HFM1: variants seen among roughly 807,000 people sequenced by gnomAD.
HFM1 encodes the protein helicase for meiosis 1, also known as probable ATP-dependent DNA helicase HFM1.
A neutral mutation model predicts 192.1 loss-of-function variants in HFM1; 169 were observed. That is an observed-to-expected ratio of 0.88 (90% CI 0.78 to 1.00). HFM1 has a LOEUF of 1.00. Among genes scored for constraint, HFM1 ranks in the 50% least tolerant of loss-of-function variants. The pLI is 0.00. For synonymous variants in HFM1, 525 were observed against 537.8 expected (o/e 0.98, Z 0.33); for missense variants, 1,661 against 1,668.0 (o/e 1.00, Z 0.07).
At chr1:91,283,363 C>A (rs933442071) in intron 30 of HFM1, among the ~76,000 whole-genome samples, 1 of 152,146 alleles carries the variant, frequency 6.6e-6, no homozygotes, top group African/African-American at 2.4e-5. Context: ...CCCAACTCAG[C>A]CCCCTCAGTA....
Position 91,380,983 on chromosome 1 carries a change from C to G in HFM1, c.803-1G>C. 7.2e-7 allele frequency: 1 copy of G among 1,380,068 alleles called. No individual in the cohort carries two copies. The highest frequency in any genetic ancestry group is 1.0e-6 in the Non-Finnish European group (1 of 970,612). 85.5% of individuals were successfully genotyped at this position (1,380,068 alleles called of 1,614,324 possible). A position where few individuals can be genotyped will look rare whatever the true frequency, so the allele number is the denominator to read the frequency against. ...TTGAAAATACTTCTAAATTTTGCCG[C>G]TTACAATAACATTAAGGAGTCAAAT... On this transcript the variant is annotated splice_acceptor_variant, in intron 6 of 38. Transcript: ENST00000370425. LOFTEE classifies it high-confidence loss of function.
chr1:91,274,985 A>ATTTTT (rs369981082), intron 32 of HFM1, among the ~76,000 whole-genome samples, 176 bp from the exon 33 acceptor site: 5 of 132,976 alleles, frequency 3.8e-5, no homozygotes, highest in African/African-American at 1.4e-4. Context: ...AAATGTTGGC[A>ATTTTT]TTTTTTTTTT....
At chr1:91,390,643 A>G (rs1265525233) in intron 4 of HFM1, among the ~76,000 whole-genome samples, 3 of 152,178 alleles carry the variant, frequency 2.0e-5, no homozygotes, top group Non-Finnish European at 2.9e-5. Flanking sequence ...CCCACAGCCA[A>G]TATCATACTG....
At chr1:91,287,012 G>A (rs1184411803) in intron 30 of HFM1, among the ~76,000 whole-genome samples, 3 of 152,188 alleles carry the variant, frequency 2.0e-5, no homozygotes, top group East Asian at 1.9e-4. Context: ...AGGGTCCTAC[G>A]CCCACGGAGT....
At chr1:91,407,543 A>G (rs1231944994), upstream of HFM1, among the ~76,000 whole-genome samples, 3 of 152,124 alleles carry the variant, frequency 2.0e-5, no homozygotes, top group African/African-American at 4.8e-5. Context: ...AATGTTTTCA[A>G]TGTTCATCCA....
chr1:91,292,540 A>T (rs1391267984), intron 30 of HFM1, among the ~76,000 whole-genome samples: 2 of 151,896 alleles, frequency 1.3e-5, no homozygotes, highest in African/African-American at 2.4e-5. Flanking sequence ...CCACTGCTCA[A>T]GAAAATAAAA....
intron 36 of HFM1, among the ~76,000 whole-genome samples, chr1:91,265,290 T>A (rs1665648689): frequency 6.6e-6 from 1 of 152,184 alleles, no homozygotes; most frequent in Non-Finnish European, 1.5e-5. Flanking sequence ...ACAGAGTATA[T>A]CACATTTTTT....
intron 30 of HFM1, among the ~76,000 whole-genome samples, chr1:91,291,423 C>G (rs941319892): frequency 3.3e-5 from 5 of 152,184 alleles, no homozygotes; most frequent in African/African-American, 1.2e-4. Flanking sequence ...ACTACAAACA[C>G]CTCTACGCAA....
At chr1:91,338,035 G>C (rs1156293158) in intron 20 of HFM1, among the ~76,000 whole-genome samples, 5 of 152,160 alleles carry the variant, frequency 3.3e-5, no homozygotes, top group Non-Finnish European at 2.9e-5. Flanking sequence ...CACTGCAGTG[G>C]GCTTCAAAGC....
At chr1:91,364,557 T>C in intron 13 of HFM1, among the ~76,000 whole-genome samples, 1 of 147,396 alleles carries the variant, frequency 6.8e-6, no homozygotes, top group Admixed American at 6.8e-5. Flanking sequence ...GATGAACTAA[T>C]GCATAAGAAA....
intron 4 of HFM1, among the ~76,000 whole-genome samples, chr1:91,387,682 C>T (rs1307971862): frequency 2.7e-5 from 4 of 147,272 alleles, no homozygotes; most frequent in Non-Finnish European, 4.5e-5. Context: ...AACCAAACAC[C>T]GCATATTCTC....
chr1:91,271,513 TTA>T (rs1188320629), intron 34 of HFM1, among the ~76,000 whole-genome samples: 1 of 151,998 alleles, frequency 6.6e-6, no homozygotes, highest in Non-Finnish European at 1.5e-5. Flanking sequence ...TTCAGCATAT[TTA>T]TATGCTAAAG....
At chr1:91,307,911 T>C (rs1171308961) in intron 30 of HFM1, among the ~76,000 whole-genome samples, 1 of 152,218 alleles carries the variant, frequency 6.6e-6, no homozygotes. Context: ...GAAACCTAGG[T>C]TGGTAGCATT....
intron 30 of HFM1, among the ~76,000 whole-genome samples, chr1:91,302,853 C>T (rs1321605373): frequency 6.6e-6 from 1 of 151,912 alleles, no homozygotes; most frequent in Non-Finnish European, 1.5e-5. Flanking sequence ...TTAATGGGTG[C>T]AGCACACCAA....
chr1:91,389,475 T>C (rs1310027946), intron 4 of HFM1, among the ~76,000 whole-genome samples: 1 of 151,932 alleles, frequency 6.6e-6, no homozygotes, highest in African/African-American at 2.4e-5. Flanking sequence ...TTAGATGAGG[T>C]CATGAGGGTA....
At chr1:91,391,987 C>T (rs1242453378) in intron 4 of HFM1, among the ~76,000 whole-genome samples, 1 of 152,124 alleles carries the variant, frequency 6.6e-6, no homozygotes, top group Non-Finnish European at 1.5e-5. Flanking sequence ...CCAACAGACA[C>T]ATGAAAAAAT....
intron 13 of HFM1, among the ~76,000 whole-genome samples, chr1:91,364,099 G>A (rs1206107604): frequency 1.3e-5 from 2 of 151,836 alleles, no homozygotes; most frequent in Non-Finnish European, 2.9e-5. Context: ...TAGGTTATGC[G>A]ATGATTTGTA....
chr1:91,317,984 C>T (rs1428042366), intron 25 of HFM1, among the ~76,000 whole-genome samples: 1 of 151,940 alleles, frequency 6.6e-6, no homozygotes, highest in Non-Finnish European at 1.5e-5. Flanking sequence ...GCAATGGATG[C>T]CCATATTGAC....
intron 21 of HFM1, 31 bp downstream of exon 21, chr1:91,324,644 T>C: frequency 2.1e-6 from 2 of 944,334 alleles, no homozygotes; most frequent in Middle Eastern, 2.2e-4. Flanking sequence ...TATACCACTA[T>C]GTATTTTTTT....
Sources: allele counts gnomAD v4.1 joint callset (sites outside exome capture counted in the v4.1 genomes callset), GRCh38; gene constraint gnomAD v4.1.1; transcripts MANE v1.5; gene names NCBI Gene and HGNC (gene_info 2026-07-23, HGNC 2026-07-21).